Variants in ADGRG7 observed in about 807,000 individuals in gnomAD.
ADGRG7 encodes the protein adhesion G protein-coupled receptor G7.
Under a neutral mutation model 88.6 loss-of-function variants are expected in ADGRG7, and 82 were observed. The observed-to-expected ratio is 0.93, with a 90% CI of 0.77 to 1.11. The LOEUF (loss-of-function observed/expected upper bound fraction) is 1.11, where lower values mean the gene tolerates loss of function less well. Ranked by LOEUF, ADGRG7 falls within the 50% of genes most tolerant of loss-of-function variation. The probability of loss-of-function intolerance (pLI) is 0.00; values close to 1 mark genes in which losing one functional copy is unlikely to be tolerated. For missense variants in ADGRG7, 945 were observed against 953.4 expected (o/e 0.99, Z 0.12); for synonymous variants, 381 against 345.2 (o/e 1.10, Z -1.15).
intron 15 of ADGRG7, among the ~76,000 whole-genome samples, chr3:100,685,760 C>A (rs1339570752): frequency 1.1e-4 from 17 of 152,006 alleles, no homozygotes; most frequent in East Asian, 3.9e-4. Flanking sequence ...ACATTTTCTT[C>A]ATCCAGTCTA....
Position 100,610,038 on chromosome 3 carries a change from G to A in ADGRG7, c.115+67G>A, listed in dbSNP as rs192718562. The A allele has an allele frequency of 3.1e-6, 4 of 1,282,330 alleles. No individual in the cohort carries two copies. In the East Asian group the frequency reaches 9.5e-5, roughly 30 times the overall value. 79.4% of individuals were successfully genotyped at this position (1,282,330 alleles called of 1,614,324 possible). On this transcript the variant is annotated intron_variant, in intron 1 of 15. Transcript: ENST00000273352. ...TATGGGACCTCTGTCCCTGCCACCTGGTGCACAAGTACTGGGAGGTACCTT... is the reference window on the plus strand; with the variant it reads ...TATGGGACCTCTGTCCCTGCCACCTAGTGCACAAGTACTGGGAGGTACCTT...
chr3:100,655,084 G>C lies in ADGRG7; in HGVS notation c.1629G>C (p.Trp543Cys). Residue 543 changes from tryptophan (W) to cysteine (C), a missense_variant, in exon 12 of 16, where the codon TGG becomes TGC. Trp to Cys is a radical substitution (Grantham distance 215). Transcript: ENST00000273352. The part of the protein sequence containing the change: ...LHYFLLVTFT[W>C]NALSAAQLYY... ...ATTTTCTGTTAGTGACATTTACCTG[G>C]AACGCACTCAGCGCTGCACAGCTCT... The C allele has an allele frequency of 6.2e-7, 1 of 1,614,082 alleles. No homozygotes were observed. The highest frequency in any genetic ancestry group is 2.2e-5 in the East Asian group (1 of 44,880).
intron 14 of ADGRG7, among the ~76,000 whole-genome samples, chr3:100,668,147 G>T (rs1185185748): frequency 6.6e-6 from 1 of 152,190 alleles, no homozygotes; most frequent in Non-Finnish European, 1.5e-5. Flanking sequence ...AGATGAACCT[G>T]GTACCTACGT....
chr3:100,617,180 C>A (rs1368196208), intron 1 of ADGRG7, among the ~76,000 whole-genome samples: 1 of 151,998 alleles, frequency 6.6e-6, no homozygotes, highest in African/African-American at 2.4e-5. Flanking sequence ...AAGAGTCCCC[C>A]AAAATAAATA....
intron 1 of ADGRG7, among the ~76,000 whole-genome samples, chr3:100,618,158 C>T (rs1473655986): frequency 6.6e-6 from 1 of 152,092 alleles, no homozygotes; most frequent in Non-Finnish European, 1.5e-5. Flanking sequence ...TTCTCCCATT[C>T]TGTAGGTTGC....
At chr3:100,618,973 A>G (rs942133537) in intron 1 of ADGRG7, among the ~76,000 whole-genome samples, 4 of 152,020 alleles carry the variant, frequency 2.6e-5, no homozygotes, top group African/African-American at 7.2e-5. Context: ...TATTCTTTTT[A>G]AAGCAATTGT....
intron 10 of ADGRG7, among the ~76,000 whole-genome samples, chr3:100,647,713 A>AAAAG (rs1707778931): frequency 6.6e-6 from 1 of 151,758 alleles, no homozygotes; most frequent in Non-Finnish European, 1.5e-5. Context: ...GAAACAAAAA[A>AAAAG]AAGTTAGTTT....
intron 11 of ADGRG7, among the ~76,000 whole-genome samples, chr3:100,653,980 T>C (rs1019261623): frequency 1.3e-5 from 2 of 151,960 alleles, no homozygotes; most frequent in Non-Finnish European, 2.9e-5. Context: ...ACAGGGTTAA[T>C]TGGGTGTAAA....
intron 11 of ADGRG7, among the ~76,000 whole-genome samples, chr3:100,650,121 T>A (rs1483141494): frequency 6.6e-6 from 1 of 152,244 alleles, no homozygotes; most frequent in African/African-American, 2.4e-5. Flanking sequence ...CCTAGCAATT[T>A]GTATTTGTTA....
At chr3:100,646,228 G>GGGGGGGT in intron 9 of ADGRG7, 120 bp downstream of exon 9, 1 of 199,624 alleles carries the variant, frequency 5.0e-6, no homozygotes, top group South Asian at 4.8e-5. Context: ...GGGGGGGAGG[G>GGGGGGGT]TTTTCCATGA....
At chr3:100,610,020 C>A in intron 1 of ADGRG7, 49 bp downstream of exon 1, 1 of 1,449,398 alleles carries the variant, frequency 6.9e-7, no homozygotes, top group Non-Finnish European at 9.7e-7. Context: ...AGGTATGGGA[C>A]CTCTGTCCCT....
rs776320293 is a variant in ADGRG7, at chr3:100,655,194, A to G, written c.1726+13A>G. On this transcript the variant is annotated intron_variant, in intron 12 of 15. Coordinates refer to ENST00000273352, the MANE Select transcript of ADGRG7 (RefSeq NM_032787.3). ...TTAATTGGATGGGGTAAGTGTTTGC[A>G]TCTCCCCTTTCTCAGGAATTTAATT... is the stretch of plus-strand genomic sequence containing the variant. The G allele has an allele frequency of 2.0e-6, 3 of 1,534,818 alleles. No homozygotes were observed. The highest frequency in any genetic ancestry group is 1.4e-5 in the African/African-American group (1 of 72,688).
intron 3 of ADGRG7, among the ~76,000 whole-genome samples, chr3:100,631,104 G>T (rs1180890201): frequency 6.7e-6 from 1 of 148,694 alleles, no homozygotes; most frequent in African/African-American, 2.5e-5. Context: ...ATTGACATTT[G>T]CTCCTTTAGT....
chr3:100,695,068 T>G lies in ADGRG7; in HGVS notation c.*67T>G. ...TTGAGTTTTATCTGTTTCTCTCCTT[T>G]ATTTCCCAGTCCTCTCAGAAAGTCT... On this transcript the variant is annotated 3_prime_UTR_variant, in exon 16 of 16. Transcript: ENST00000273352. 6.7e-7 allele frequency: 1 copy of G among 1,490,996 alleles called. No homozygotes were observed. Among genetic ancestry groups the G allele is most frequent in the South Asian group, 1.3e-5 (1 of 79,430 alleles). 92.4% of individuals were successfully genotyped at this position (1,490,996 alleles called of 1,614,324 possible).
chr3:100,645,697 C>T (rs768219326), intron 8 of ADGRG7, among the ~76,000 whole-genome samples: 5 of 151,788 alleles, frequency 3.3e-5, no homozygotes, highest in Non-Finnish European at 5.9e-5. Context: ...CAGAAATTCT[C>T]GTTCCTGTGT....
intron 1 of ADGRG7, among the ~76,000 whole-genome samples, chr3:100,615,755 TCAC>T (rs1707215972): frequency 2.0e-5 from 3 of 152,000 alleles, no homozygotes; most frequent in African/African-American, 7.3e-5. Flanking sequence ...TGAGGAAAAA[TCAC>T]AAGTGGCAGA....
intron 1 of ADGRG7, among the ~76,000 whole-genome samples, chr3:100,614,161 C>A (rs1241958041): frequency 1.3e-5 from 2 of 152,142 alleles, no homozygotes; most frequent in Non-Finnish European, 2.9e-5. Context: ...CTGGTTTATA[C>A]CTTGAATAGA....
chr3:100,613,958 A>G (rs1707192374), intron 1 of ADGRG7, among the ~76,000 whole-genome samples: 1 of 152,206 alleles, frequency 6.6e-6, no homozygotes, highest in African/African-American at 2.4e-5. Context: ...CTTTGAGCAA[A>G]TTATTCAACA....
At chr3:100,658,077 C>T (rs72620019) in intron 13 of ADGRG7, among the ~76,000 whole-genome samples, 7,635 of 152,166 alleles carry the variant, frequency 0.05, 626 homozygotes, top group East Asian at 0.35. Context: ...TAATAGACAT[C>T]TCCTCATCTT....
Sources: gnomAD v4.1 joint callset for allele counts (sites outside exome capture counted in the v4.1 genomes callset) on GRCh38, gnomAD v4.1.1 for gene constraint, MANE v1.5 for transcripts, NCBI Gene and HGNC (gene_info 2026-07-23, HGNC 2026-07-21) for gene names.